TMTC1: variants seen among roughly 807,000 people sequenced by gnomAD.
TMTC1 encodes the protein protein O-mannosyl-transferase TMTC1.
In TMTC1, 73 loss-of-function variants were observed where a neutral mutation model predicts 104.8. The ratio of observed to expected loss-of-function variants is 0.70; its 90% CI spans 0.58 to 0.85. The LOEUF (loss-of-function observed/expected upper bound fraction) is 0.85. TMTC1 is among the 40% of genes least tolerant of loss of function. The probability of loss-of-function intolerance (pLI) is 0.00; values close to 1 mark genes in which losing one functional copy is unlikely to be tolerated. For synonymous variants in TMTC1, 434 were observed against 428.7 expected, an observed-to-expected ratio of 1.01 and a Z score of -0.15; for missense variants, 1,035 against 1,096.1, an observed-to-expected ratio of 0.94 and a Z score of 0.79.
At chr12:29,695,746 G>T (rs1195061393) in intron 5 of TMTC1, among the ~76,000 whole-genome samples, 1 of 140,898 alleles carries the variant, frequency 7.1e-6, no homozygotes, top group East Asian at 2.2e-4. Flanking sequence ...CACCAATAAG[G>T]TAAATCAATA....
chr12:29,718,416 AAG>A (rs1443089037), intron 5 of TMTC1, among the ~76,000 whole-genome samples: 1 of 152,194 alleles, frequency 6.6e-6, no homozygotes, highest in African/African-American at 2.4e-5. Context: ...TCCTGTAAAG[AAG>A]AGAGTCACAG....
chr12:29,508,274 G>T (rs1191900165), intron 17 of TMTC1, among the ~76,000 whole-genome samples: 1 of 152,242 alleles, frequency 6.6e-6, no homozygotes, highest in East Asian at 1.9e-4. Context: ...TGCTGAACAA[G>T]TGGGAACTTG....
intron 10 of TMTC1, among the ~76,000 whole-genome samples, chr12:29,538,999 ATTC>A (rs1392871865): frequency 6.6e-6 from 1 of 152,184 alleles, no homozygotes; most frequent in Non-Finnish European, 1.5e-5. Flanking sequence ...AGATTTTTAA[ATTC>A]TTCTTAAAGA....
Position 29,758,787 on chromosome 12 carries a change from TA to T in TMTC1, c.481-11del. On this transcript the variant is annotated splice_polypyrimidine_tract_variant and intron_variant, in intron 2 of 17. Coordinates refer to ENST00000539277, the MANE Select transcript of TMTC1 (RefSeq NM_001193451.2). ...CAACGATCCCAGCCACCTTGGAAGT[TA>T]AAATAATAAAAAATGAAACTTCAGA... 6.3e-7 allele frequency: 1 copy of T among 1,586,688 alleles called. No homozygotes were observed. Among genetic ancestry groups the T allele is most frequent in the South Asian group, 1.2e-5 (1 of 86,688 alleles).
chr12:29,630,259 A>G (rs1938228858), intron 6 of TMTC1, among the ~76,000 whole-genome samples: 2 of 152,230 alleles, frequency 1.3e-5, no homozygotes, highest in African/African-American at 2.4e-5. Flanking sequence ...ACAGTTCTGC[A>G]TGGCTGGGGA....
At chr12:29,741,869 G>A (rs1431928788) in intron 5 of TMTC1, among the ~76,000 whole-genome samples, 1 of 152,112 alleles carries the variant, frequency 6.6e-6, no homozygotes, top group Non-Finnish European at 1.5e-5. Context: ...TATAACCTTG[G>A]CAGTTATAAA....
chr12:29,636,192 GA>G (rs1231323403), intron 5 of TMTC1, among the ~76,000 whole-genome samples: 1 of 152,334 alleles, frequency 6.6e-6, no homozygotes, highest in Non-Finnish European at 1.5e-5. Context: ...GGATATGGAT[GA>G]AACAAGATGG....
intron 5 of TMTC1, among the ~76,000 whole-genome samples, chr12:29,744,761 A>G (rs547052722): frequency 6.6e-6 from 1 of 152,370 alleles, no homozygotes; most frequent in East Asian, 1.9e-4. Flanking sequence ...ATATTTGAAA[A>G]AAAGCTACTT....
chr12:29,717,275 G>A (rs539428872), intron 5 of TMTC1, among the ~76,000 whole-genome samples: 4 of 152,094 alleles, frequency 2.6e-5, no homozygotes, highest in African/African-American at 7.2e-5. Flanking sequence ...AGGCGTTCAC[G>A]GGATTTCAAA....
intron 1 of TMTC1, among the ~76,000 whole-genome samples, chr12:29,776,838 A>G (rs923214677): frequency 6.6e-6 from 1 of 152,174 alleles, no homozygotes; most frequent in African/African-American, 2.4e-5. Flanking sequence ...TAAGCCCTGC[A>G]CAGATCTGGG....
intron 5 of TMTC1, among the ~76,000 whole-genome samples, chr12:29,676,272 A>G (rs1454704297): frequency 2.6e-5 from 4 of 152,176 alleles, no homozygotes; most frequent in African/African-American, 7.2e-5. Flanking sequence ...GAGTTTTCCT[A>G]TTTTATGTAA....
chr12:29,656,316 C>T (rs1434934915), intron 5 of TMTC1, among the ~76,000 whole-genome samples: 1 of 126,166 alleles, frequency 7.9e-6, no homozygotes, highest in Non-Finnish European at 1.7e-5. Context: ...TGAAATTTCC[C>T]TGGATATATA....
intron 5 of TMTC1, among the ~76,000 whole-genome samples, chr12:29,651,517 T>C (rs1939517602): frequency 6.7e-6 from 1 of 150,218 alleles, no homozygotes; most frequent in Non-Finnish European, 1.5e-5. Flanking sequence ...CCACTAACTT[T>C]CTCTCCCTCT....
At chr12:29,568,161 C>T (rs1482200546) in intron 9 of TMTC1, among the ~76,000 whole-genome samples, 1 of 152,170 alleles carries the variant, frequency 6.6e-6, no homozygotes, top group African/African-American at 2.4e-5. Context: ...TTTAGTTCTA[C>T]CCCTTCCCAT....
At chr12:29,748,675 C>G (rs1246343844) in intron 5 of TMTC1, among the ~76,000 whole-genome samples, 2 of 152,160 alleles carry the variant, frequency 1.3e-5, no homozygotes, top group Non-Finnish European at 2.9e-5. Context: ...GACATGCTAG[C>G]CCCCTTTCTG....
rs1030728118 is a variant in TMTC1, at chr12:29,657,012, T to C, written c.939-23676A>G. On this transcript the variant is annotated intron_variant, in intron 5 of 17. Coordinates refer to ENST00000539277, the MANE Select transcript of TMTC1 (RefSeq NM_001193451.2). Reference sequence around the variant, plus strand: ...GCACTTGTTTACTTATGACATGAGATAGGAATAAAATAATTGGTTGGTGAG... The same window carrying C: ...GCACTTGTTTACTTATGACATGAGACAGGAATAAAATAATTGGTTGGTGAG... 8.5e-5 allele frequency among the ~76,000 whole-genome samples: 13 copies of C among 152,168 alleles called. 1 individual carries two copies. Among genetic ancestry groups the C allele is most frequent in the South Asian group, 8.3e-4 (4 of 4,826 alleles).
intron 12 of TMTC1, among the ~76,000 whole-genome samples, chr12:29,520,299 A>C (rs908919249): frequency 6.6e-6 from 1 of 152,222 alleles, no homozygotes; most frequent in Non-Finnish European, 1.5e-5. Context: ...ATCATTGTAG[A>C]GAAACATTTC....
At chr12:29,531,400 T>C (rs1944499621) in intron 11 of TMTC1, among the ~76,000 whole-genome samples, 1 of 152,204 alleles carries the variant, frequency 6.6e-6, no homozygotes, top group African/African-American at 2.4e-5. Context: ...AAAGTCATAT[T>C]TCAAAGCACA....
At chr12:29,671,111 G>C (rs531070413) in intron 5 of TMTC1, among the ~76,000 whole-genome samples, 2 of 151,254 alleles carry the variant, frequency 1.3e-5, no homozygotes, top group South Asian at 4.2e-4. Context: ...GACCAGCATG[G>C]TGAAACCCCA....
Sources: allele counts gnomAD v4.1 joint callset (sites outside exome capture counted in the v4.1 genomes callset), GRCh38; gene constraint gnomAD v4.1.1; transcripts MANE v1.5; gene names NCBI Gene and HGNC (gene_info 2026-07-23, HGNC 2026-07-21).